The following CORO1C variants were observed in gnomAD, a reference collection of about 807,000 sequenced individuals.
CORO1C encodes coronin-1C.
Under a neutral mutation model 51.2 loss-of-function variants are expected in CORO1C, and 14 were observed. The ratio of observed to expected loss-of-function variants is 0.27; its 90% CI spans 0.18 to 0.43. The LOEUF (loss-of-function observed/expected upper bound fraction) is 0.43, where lower values mean the gene tolerates loss of function less well. Among genes scored for constraint, CORO1C ranks in the 20% least tolerant of loss-of-function variants. CORO1C has a pLI of 1.00. For synonymous variants in CORO1C, 181 were observed against 210.5 expected, an observed-to-expected ratio of 0.86 and a Z score of 1.21; for missense variants, 417 against 607.8, an observed-to-expected ratio of 0.69 and a Z score of 3.30.
rs574931852 is a variant in CORO1C, at chr12:108,678,895, G to A, written c.196-501C>T. Reference sequence around the variant, plus strand: ...CCAGCACTTTGGGAGGCTGAGGCAGGTGGATCATGAGGTCAGGAGATCCTG... The same window carrying A: ...CCAGCACTTTGGGAGGCTGAGGCAGATGGATCATGAGGTCAGGAGATCCTG... On this transcript the variant is annotated intron_variant, in intron 2 of 10. Coordinates refer to ENST00000261401, the MANE Select transcript of CORO1C (RefSeq NM_014325.4). Among the ~76,000 whole-genome samples the A allele has an allele frequency of 1.9e-3, 290 of 151,884 alleles. 1 individual carries two copies. Among genetic ancestry groups the A allele is most frequent in the African/African-American group, 6.8e-3 (281 of 41,464 alleles).
Position 108,662,164 on chromosome 12 carries a change from G to A in CORO1C, c.319-6C>T, listed in dbSNP as rs779683270. 3.5e-5 allele frequency: 57 copies of A among 1,612,492 alleles called. No homozygotes were observed. Among genetic ancestry groups the A allele is most frequent in the Admixed American group, 2.0e-4 (12 of 60,002 alleles). ...TTTTCTGGGATCTGCCATACCTGTT[G>A]GACAAGGAAGAAAGATGATCCACAT... On this transcript the variant is annotated splice_region_variant and splice_polypyrimidine_tract_variant and intron_variant, in intron 3 of 10. Transcript: ENST00000261401.
Position 108,709,060 on chromosome 12 carries a change from CTTTT to C in CORO1C, c.-5-7741_-5-7738del, listed in dbSNP as rs1434180230. Among the ~76,000 whole-genome samples, 3 of 152,092 alleles carry C rather than the reference CTTTT, an allele frequency of 2.0e-5. No individual in the cohort carries two copies. In the East Asian group the frequency reaches 5.8e-4, roughly 29 times the overall value. The stretch of plus-strand genomic sequence containing the variant: ...ATTAGCCACCATGCCTGGTGTGTTT[CTTTT>C]AAGGTAATGAAAATGTTCTAAAATT... On this transcript the variant is annotated intron_variant, in intron 1 of 10. Transcript: ENST00000261401.
chr12:108,658,069 G>A lies in CORO1C; in HGVS notation c.631-646C>T, dbSNP rs1214616454. ...ACTTACTATGTGTAGTTTCAACACC[G>A]ACTGAAGACCCAAATGTCCATCTTT... is the stretch of plus-strand genomic sequence containing the variant. On this transcript the variant is annotated intron_variant, in intron 5 of 10. Coordinates refer to ENST00000261401, the MANE Select transcript of CORO1C (RefSeq NM_014325.4). The surrounding 1 kb of genome is among the most constrained non-coding windows in gnomAD (Gnocchi z 4.9). Among the ~76,000 whole-genome samples the A allele has an allele frequency of 6.6e-6, 1 of 152,168 alleles. No individual in the cohort carries two copies. The highest frequency in any genetic ancestry group is 1.5e-5 in the Non-Finnish European group (1 of 68,032).
chr12:108,696,167 G>A (rs2034675709), intron 2 of CORO1C, among the ~76,000 whole-genome samples: 1 of 152,170 alleles, frequency 6.6e-6, no homozygotes, highest in Non-Finnish European at 1.5e-5. Context: ...GTCCCAGGTA[G>A]TTTCTGTGAG....
At chr12:108,670,844 AAACATTATAAACCAG>A (rs2033688317) in intron 3 of CORO1C, among the ~76,000 whole-genome samples, 1 of 152,056 alleles carries the variant, frequency 6.6e-6, no homozygotes, top group African/African-American at 2.4e-5. Flanking sequence ...ACAATATATA[AAACATTATAAACCAG>A]AACTTGAAAA....
chr12:108,689,944 G>A (rs1592908738), intron 2 of CORO1C, among the ~76,000 whole-genome samples: 1 of 152,198 alleles, frequency 6.6e-6, no homozygotes, highest in Admixed American at 6.5e-5. Flanking sequence ...CATTCACACT[G>A]TGCAGAGTTC....
At chr12:108,721,045 T>C (rs2035463409) in intron 1 of CORO1C, among the ~76,000 whole-genome samples, 2 of 152,184 alleles carry the variant, frequency 1.3e-5, no homozygotes, top group Admixed American at 6.5e-5. Flanking sequence ...ACATGGAATA[T>C]AGCAGTATTA....
At chr12:108,700,251 G>A (rs1478738142) in intron 2 of CORO1C, among the ~76,000 whole-genome samples, 1 of 152,122 alleles carries the variant, frequency 6.6e-6, no homozygotes, top group African/African-American at 2.4e-5. Flanking sequence ...TATCACTGGA[G>A]CTCAGGACTC....
intron 3 of CORO1C, among the ~76,000 whole-genome samples, chr12:108,677,152 C>T (rs935538452): frequency 6.6e-6 from 1 of 152,132 alleles, no homozygotes. Context: ...CTGACATGTG[C>T]GAGACTGCTT....
chr12:108,716,007 T>C (rs1049693236), intron 1 of CORO1C, among the ~76,000 whole-genome samples: 1 of 151,536 alleles, frequency 6.6e-6, no homozygotes, highest in Non-Finnish European at 1.5e-5. Flanking sequence ...GGCACGCGCC[T>C]GTAATCCCAG....
At position 108,689,125 on chromosome 12, in the gene CORO1C, G is replaced by A. The variant is rs190297136; in HGVS notation, c.196-10731C>T. 6.5e-4 allele frequency among the ~76,000 whole-genome samples: 98 copies of A among 151,916 alleles called. 2 individuals are homozygous for A. The highest frequency in any genetic ancestry group is 5.1e-3 in the Admixed American group (78 of 15,252). On this transcript the variant is annotated intron_variant, in intron 2 of 10. Coordinates refer to ENST00000261401, the MANE Select transcript of CORO1C (RefSeq NM_014325.4). The stretch of plus-strand genomic sequence containing the variant: ...TGAGGTGGGAGAATCACTTGAACCC[G>A]GAAGGCGGAGGTTGCAGTGAGCTGA...
intron 3 of CORO1C, among the ~76,000 whole-genome samples, chr12:108,669,673 T>TAAA (rs34827230): frequency 4.7e-4 from 38 of 80,274 alleles, no homozygotes; most frequent in Admixed American, 1.9e-3. Flanking sequence ...GCTTTTCCGT[T>TAAA]AAAAAAAAAA....
At chr12:108,713,076 A>G (rs1327402367) in intron 1 of CORO1C, among the ~76,000 whole-genome samples, 2 of 152,116 alleles carry the variant, frequency 1.3e-5, no homozygotes, top group African/African-American at 4.8e-5. Context: ...TACATGAGAC[A>G]TTCCAAGAAA....
chr12:108,670,576 C>T (rs1238380842), intron 3 of CORO1C, among the ~76,000 whole-genome samples: 1 of 152,114 alleles, frequency 6.6e-6, no homozygotes, highest in Non-Finnish European at 1.5e-5. Context: ...TGTTTCTGAA[C>T]ACTATCTGAA....
At chr12:108,701,377 T>C in intron 1 of CORO1C, 54 bp from the exon 2 acceptor site, 1 of 1,609,774 alleles carries the variant, frequency 6.2e-7, no homozygotes, top group South Asian at 1.1e-5. Context: ...CTGAAAGCTT[T>C]ACTTTTACAA....
intron 3 of CORO1C, among the ~76,000 whole-genome samples, chr12:108,677,950 C>T (rs1478356458): frequency 1.3e-5 from 2 of 150,462 alleles, no homozygotes; most frequent in African/African-American, 4.9e-5. Context: ...ACCCGGGAGG[C>T]GGAGGTTACA....
chr12:108,729,682 A>C (rs1306589075), intron 1 of CORO1C, among the ~76,000 whole-genome samples: 1 of 152,224 alleles, frequency 6.6e-6, no homozygotes, highest in African/African-American at 2.4e-5. Context: ...ATGACTGTGA[A>C]ACATACCTCC....
intron 6 of CORO1C, among the ~76,000 whole-genome samples, chr12:108,654,612 T>G (rs2032848754): frequency 6.6e-6 from 1 of 152,068 alleles, no homozygotes; most frequent in Non-Finnish European, 1.5e-5. Flanking sequence ...CTCACAAAAT[T>G]TCACTGATTT....
chr12:108,687,445 C>T (rs2034334387), intron 2 of CORO1C, among the ~76,000 whole-genome samples: 1 of 151,958 alleles, frequency 6.6e-6, no homozygotes, highest in Admixed American at 6.6e-5. Flanking sequence ...TATGATCGCG[C>T]CACTGCACTC....
Sources: gnomAD v4.1 joint callset for allele counts (sites outside exome capture counted in the v4.1 genomes callset) on GRCh38, gnomAD v4.1.1 for gene constraint, Gnocchi (gnomAD v3.1) non-coding constraint, MANE v1.5 for transcripts, NCBI Gene and HGNC (gene_info 2026-07-23, HGNC 2026-07-21) for gene names.